PCLO: variants seen among roughly 807,000 people sequenced by gnomAD.
The protein encoded by PCLO is protein piccolo.
Under a neutral mutation model 427.5 loss-of-function variants are expected in PCLO, and 82 were observed. That is an observed-to-expected ratio of 0.19 (90% CI 0.16 to 0.23). PCLO has a LOEUF of 0.23. Ranked by LOEUF, PCLO falls within the 10% of genes least tolerant of loss-of-function variation. The pLI is 1.00. For synonymous variants in PCLO, 2,357 were observed against 2,155.4 expected, an observed-to-expected ratio of 1.09 and a Z score of -2.59; for missense variants, 6,239 against 6,115.9, an observed-to-expected ratio of 1.02 and a Z score of -0.67.
At chr7:82,858,981 C>T (rs1004695073) in intron 10 of PCLO, among the ~76,000 whole-genome samples, 3 of 152,098 alleles carry the variant, frequency 2.0e-5, no homozygotes, top group Admixed American at 2.0e-4. Context: ...CATGTGGAAC[C>T]ACAAGAGATA....
intron 2 of PCLO, among the ~76,000 whole-genome samples, chr7:83,151,127 T>A (rs1792118078): frequency 6.6e-6 from 1 of 152,148 alleles, no homozygotes; most frequent in Non-Finnish European, 1.5e-5. Flanking sequence ...ACTGGCCATT[T>A]GGTAGGCAGT....
intron 14 of PCLO, 142 bp downstream of exon 14, chr7:82,841,317 A>G: frequency 1.5e-6 from 1 of 649,474 alleles, no homozygotes; most frequent in Non-Finnish European, 2.8e-6. Flanking sequence ...ATACTATTCT[A>G]TAAAATTGCA....
chr7:82,990,061 G>A (rs1481271672), intron 3 of PCLO, among the ~76,000 whole-genome samples: 1 of 152,102 alleles, frequency 6.6e-6, no homozygotes, highest in Non-Finnish European at 1.5e-5. Context: ...TGAAATTAAG[G>A]GGGAAGGGGA....
At chr7:83,043,348 A>G (rs957992955) in intron 3 of PCLO, among the ~76,000 whole-genome samples, 2 of 152,210 alleles carry the variant, frequency 1.3e-5, no homozygotes, top group African/African-American at 4.8e-5. Flanking sequence ...TTCCTTGAAT[A>G]CAGAGAAGGA....
intron 9 of PCLO, among the ~76,000 whole-genome samples, chr7:82,895,146 C>A (rs1336603818): frequency 1.3e-5 from 2 of 151,768 alleles, no homozygotes; most frequent in East Asian, 3.9e-4. Flanking sequence ...TTTCCAACTA[C>A]AATGAAACTA....
intron 1 of PCLO, 124 bp from the exon 2 acceptor site, chr7:83,156,516 A>G (rs1385848646): frequency 1.7e-6 from 1 of 579,288 alleles, no homozygotes; most frequent in Non-Finnish European, 2.9e-6. Flanking sequence ...TATAACTAGA[A>G]CCCATTTTTG....
rs115848775 is a variant in PCLO at position 82,988,105 on chromosome 7, C to T, written c.3301-21618G>A. 6.5e-3 allele frequency among the ~76,000 whole-genome samples: 984 copies of T among 152,030 alleles called. 15 individuals are homozygous for T. The highest frequency in any genetic ancestry group is 0.022 in the African/African-American group (906 of 41,470). On this transcript the variant is annotated intron_variant, in intron 3 of 24. Coordinates refer to ENST00000333891, the MANE Select transcript of PCLO (RefSeq NM_033026.6). ...TATATAAAATTTAGGTTATTTTGGT[C>T]TCTTAATCTAGTGATCCTCCCACCT...
intron 24 of PCLO, among the ~76,000 whole-genome samples, chr7:82,760,269 T>A (rs1287309526): frequency 6.6e-6 from 1 of 151,954 alleles, no homozygotes; most frequent in South Asian, 2.1e-4. Context: ...AAAATGTAAC[T>A]CTGGCAGTGC....
intron 3 of PCLO, among the ~76,000 whole-genome samples, chr7:83,106,066 C>T (rs962283552): frequency 2.0e-5 from 3 of 152,154 alleles, no homozygotes; most frequent in African/African-American, 4.8e-5. Flanking sequence ...GATCGAGATG[C>T]AGAAGCAGCC....
intron 3 of PCLO, among the ~76,000 whole-genome samples, chr7:83,037,990 T>TATATATATATATATAA (rs1788839527): frequency 3.0e-4 from 1 of 3,348 alleles, no homozygotes; most frequent in Non-Finnish European, 4.5e-4. Context: ...AGGAGGAGCT[T>TATATATATATATATAA]ATATATATAT....
intron 6 of PCLO, among the ~76,000 whole-genome samples, chr7:82,942,994 T>C (rs1795120145): frequency 6.6e-6 from 1 of 152,138 alleles, no homozygotes; most frequent in Non-Finnish European, 1.5e-5. Flanking sequence ...ATATTATTAT[T>C]ATTCAAATCA....
Position 82,949,689 on chromosome 7 carries a change from G to T in PCLO, c.10899C>A (p.Gly3633=). 3.1e-6 allele frequency: 5 copies of T among 1,613,854 alleles called. No homozygotes were observed. Among genetic ancestry groups the T allele is most frequent in the Non-Finnish European group, 4.2e-6 (5 of 1,179,852 alleles). ...LYSPISPLSP[G]KALESAFVPY... ...GTACAAAGGCTGATTCTAAGGCTTT[G>T]CCTGGTGAAAGTGGTGAGATGGGTG... The change falls in exon 6 of 25, where the codon GGC becomes GGA. Residue 3633 remains glycine, a synonymous_variant. Coordinates refer to ENST00000333891, the MANE Select transcript of PCLO (RefSeq NM_033026.6).
intron 10 of PCLO, among the ~76,000 whole-genome samples, chr7:82,861,215 C>G (rs1792947174): frequency 6.6e-6 from 1 of 151,914 alleles, no homozygotes; most frequent in Non-Finnish European, 1.5e-5. Context: ...AAGAAATACA[C>G]TTAACCTGTA....
chr7:82,877,254 T>C (rs149008826), intron 10 of PCLO, among the ~76,000 whole-genome samples: 227 of 152,264 alleles, frequency 1.5e-3, no homozygotes, highest in African/African-American at 5.3e-3. Context: ...TCATGCTGAT[T>C]TGTAGTATTT....
intron 9 of PCLO, among the ~76,000 whole-genome samples, chr7:82,887,662 T>A (rs776477775): frequency 2.6e-5 from 4 of 152,136 alleles, no homozygotes; most frequent in Admixed American, 1.3e-4. Context: ...ACCCTGAGAA[T>A]AAAAACTTCC....
chr7:83,053,733 C>G (rs1410655089), intron 3 of PCLO, among the ~76,000 whole-genome samples: 1 of 151,800 alleles, frequency 6.6e-6, no homozygotes, highest in Admixed American at 6.6e-5. Context: ...TTCAATAACT[C>G]TCTTCTTTTC....
chr7:82,782,377 T>G (rs992111763), intron 22 of PCLO, among the ~76,000 whole-genome samples: 1 of 152,194 alleles, frequency 6.6e-6, no homozygotes, highest in Admixed American at 6.5e-5. Flanking sequence ...GAAAAAAATC[T>G]TCTATACATA....
In PCLO at chr7:82,916,199, T is replaced by C. The variant is rs764208777; in HGVS notation, c.11787A>G (p.Gln3929=). The change falls in exon 7 of 25, where the codon CAA becomes CAG. Residue 3929 remains glutamine (Q), a synonymous_variant. Coordinates refer to ENST00000333891, the MANE Select transcript of PCLO (RefSeq NM_033026.6). ...VSPYQTQPTF[Q]AVATMSFTPQ... ...GTGTGAAGGACATTGTTGCCACAGC[T>C]TGGAATGTTGGCTGAGTCTGATAAG... is the stretch of plus-strand genomic sequence containing the variant. 1 of 1,613,612 alleles carries C rather than the reference T, an allele frequency of 6.2e-7. No individual in the cohort carries two copies. Among genetic ancestry groups the C allele is most frequent in the South Asian group, 1.1e-5 (1 of 91,078 alleles).
chr7:83,115,719 G>A (rs910026645), intron 3 of PCLO, among the ~76,000 whole-genome samples: 1 of 151,910 alleles, frequency 6.6e-6, no homozygotes. Flanking sequence ...TTATCCTTGT[G>A]GTTAATTCCA....
Sources: gnomAD v4.1 joint callset for allele counts (sites outside exome capture counted in the v4.1 genomes callset) on GRCh38, gnomAD v4.1.1 for gene constraint, MANE v1.5 for transcripts, NCBI Gene and HGNC (gene_info 2026-07-23, HGNC 2026-07-21) for gene names.